ASIC2: variants seen among roughly 807,000 people sequenced by gnomAD.
The protein encoded by ASIC2 is acid-sensing ion channel 2.
Under a neutral mutation model 57.3 loss-of-function variants are expected in ASIC2, and 25 were observed. The ratio of observed to expected loss-of-function variants is 0.44; its 90% CI spans 0.32 to 0.61. The LOEUF (loss-of-function observed/expected upper bound fraction) is 0.61. Ranked by LOEUF, ASIC2 falls within the 20% of genes least tolerant of loss-of-function variation. The pLI is 0.06. For missense variants in ASIC2, 641 were observed against 738.1 expected, an observed-to-expected ratio of 0.87 and a Z score of 1.52; for synonymous variants, 319 against 307.5, an observed-to-expected ratio of 1.04 and a Z score of -0.39.
intron 1 of ASIC2, among the ~76,000 whole-genome samples, chr17:33,480,633 G>A (rs920551679): frequency 9.9e-5 from 15 of 152,264 alleles, no homozygotes; most frequent in African/African-American, 2.2e-4. Flanking sequence ...GGGAAGGGGG[G>A]ACCATTGACC....
At chr17:34,051,355 G>T (rs772370738) in intron 1 of ASIC2, among the ~76,000 whole-genome samples, 5 of 152,138 alleles carry the variant, frequency 3.3e-5, no homozygotes, top group Non-Finnish European at 7.3e-5. Flanking sequence ...ACACTTGGGT[G>T]GGTCCTTAGC....
At chr17:33,074,539 T>C (rs1442004852) in intron 3 of ASIC2, among the ~76,000 whole-genome samples, 7 of 152,138 alleles carry the variant, frequency 4.6e-5, no homozygotes, top group Non-Finnish European at 8.8e-5. Context: ...TTGGGTTCCA[T>C]GTCTAGGTTC....
chr17:33,059,511 G>C (rs1330789482), intron 3 of ASIC2, among the ~76,000 whole-genome samples: 2 of 152,004 alleles, frequency 1.3e-5, no homozygotes, highest in Non-Finnish European at 1.5e-5. Flanking sequence ...ATGGCTGCAT[G>C]GTATTCCATG....
chr17:33,720,074 A>C (rs1010073439), intron 1 of ASIC2, among the ~76,000 whole-genome samples: 2 of 152,060 alleles, frequency 1.3e-5, no homozygotes, highest in Admixed American at 6.6e-5. Context: ...AGTAGAGATG[A>C]AGTCTTATTA....
chr17:33,564,702 G>A (rs1006479445), intron 1 of ASIC2, among the ~76,000 whole-genome samples: 2 of 152,164 alleles, frequency 1.3e-5, no homozygotes, highest in Admixed American at 6.5e-5. Flanking sequence ...CCTAAAACCG[G>A]CCATAAACAG....
chr17:33,160,190 CAGAG>C (rs1319919730), intron 1 of ASIC2, among the ~76,000 whole-genome samples: 2 of 147,912 alleles, frequency 1.4e-5, no homozygotes. Flanking sequence ...GCCTGGGTGA[CAGAG>C]AGAGACCCTG....
At chr17:33,655,157 A>C (rs1907039339) in intron 1 of ASIC2, among the ~76,000 whole-genome samples, 1 of 152,172 alleles carries the variant, frequency 6.6e-6, no homozygotes, top group African/African-American at 2.4e-5. Flanking sequence ...GTTGTCAAAG[A>C]ACCAGACAGA....
chr17:33,502,106 A>G, intron 1 of ASIC2, among the ~76,000 whole-genome samples: 2 of 151,224 alleles, frequency 1.3e-5, no homozygotes, highest in South Asian at 2.1e-4. Context: ...GTCAAGATCT[A>G]GGGGGAAGGG....
chr17:33,036,230 A>T (rs528228008), intron 3 of ASIC2, among the ~76,000 whole-genome samples: 1 of 152,206 alleles, frequency 6.6e-6, no homozygotes, highest in South Asian at 2.1e-4. Flanking sequence ...TTATCATGTT[A>T]TTGATGAGGA....
At chr17:33,428,619 G>C (rs1377861006) in intron 1 of ASIC2, among the ~76,000 whole-genome samples, 1 of 152,116 alleles carries the variant, frequency 6.6e-6, no homozygotes, top group Non-Finnish European at 1.5e-5. Context: ...CTCATTGGAG[G>C]GAAGAAGAGA....
intron 1 of ASIC2, among the ~76,000 whole-genome samples, chr17:33,488,835 G>A (rs1261632347): frequency 1.3e-5 from 2 of 151,978 alleles, no homozygotes; most frequent in African/African-American, 4.8e-5. Flanking sequence ...CCTTTTTTCA[G>A]TCCTAATGAC....
At chr17:33,633,598 A>G (rs937316191) in intron 1 of ASIC2, among the ~76,000 whole-genome samples, 12 of 152,154 alleles carry the variant, frequency 7.9e-5, no homozygotes, top group Non-Finnish European at 1.5e-4. Context: ...ATGTCTGCCA[A>G]TTAGCATAAG....
chr17:33,355,122 C>A (rs1311912259), intron 1 of ASIC2, among the ~76,000 whole-genome samples: 2 of 152,178 alleles, frequency 1.3e-5, no homozygotes, highest in Non-Finnish European at 2.9e-5. Flanking sequence ...CACCTGAGAT[C>A]AGGAGTTTGA....
intron 1 of ASIC2, among the ~76,000 whole-genome samples, chr17:34,084,235 A>G (rs1018070520): frequency 6.6e-6 from 1 of 151,840 alleles, no homozygotes; most frequent in Non-Finnish European, 1.5e-5. Context: ...TCAGCTTTCT[A>G]CATGTGGCTA....
At chr17:34,107,194 G>C (rs978636449) in intron 1 of ASIC2, among the ~76,000 whole-genome samples, 7 of 151,846 alleles carry the variant, frequency 4.6e-5, no homozygotes, top group East Asian at 1.9e-4. Context: ...TTTGACCCTC[G>C]GTATCATTTA....
intron 1 of ASIC2, among the ~76,000 whole-genome samples, chr17:33,742,675 G>A (rs929464297): frequency 3.9e-5 from 6 of 152,210 alleles, no homozygotes; most frequent in African/African-American, 1.4e-4. Flanking sequence ...TTTGCAGCTG[G>A]GAAATGGGTG....
intron 1 of ASIC2, among the ~76,000 whole-genome samples, chr17:33,491,372 C>G (rs927120356): frequency 1.3e-5 from 2 of 152,198 alleles, no homozygotes; most frequent in African/African-American, 4.8e-5. Context: ...TGCCTTTGAC[C>G]TTGCTGTTGT....
chr17:33,559,402 A>G (rs555618707), intron 1 of ASIC2, among the ~76,000 whole-genome samples: 1 of 152,304 alleles, frequency 6.6e-6, no homozygotes, highest in African/African-American at 2.4e-5. Context: ...CATGCTCTAT[A>G]TGGGCTCTGC....
intron 1 of ASIC2, among the ~76,000 whole-genome samples, chr17:33,584,549 G>T (rs968800783): frequency 6.6e-6 from 1 of 152,152 alleles, no homozygotes; most frequent in African/African-American, 2.4e-5. Context: ...ATCAGGTTCA[G>T]GGGAGGGAGG....
Sources: allele counts gnomAD v4.1 joint callset (sites outside exome capture counted in the v4.1 genomes callset), GRCh38; gene constraint gnomAD v4.1.1; transcripts MANE v1.5; gene names NCBI Gene and HGNC (gene_info 2026-07-23, HGNC 2026-07-21).